The following CASKIN1 variants were observed in gnomAD, a reference collection of about 807,000 sequenced individuals.
The protein encoded by CASKIN1 is caskin-1.
In CASKIN1, 42 loss-of-function variants were observed where a neutral mutation model predicts 117.5. The observed-to-expected ratio is 0.36, with a 90% CI of 0.28 to 0.46. The LOEUF (loss-of-function observed/expected upper bound fraction) is 0.46. CASKIN1 is among the 20% of genes least tolerant of loss of function. The pLI, the probability that CASKIN1 is intolerant of heterozygous loss-of-function variation, is 1.00. For missense variants in CASKIN1, 2,083 were observed against 2,077.3 expected, an observed-to-expected ratio of 1.00 and a Z score of -0.05; for synonymous variants, 1,148 against 961.7, an observed-to-expected ratio of 1.19 and a Z score of -3.59.
intron 1 of CASKIN1, among the ~76,000 whole-genome samples, chr16:2,193,964 G>A (rs747835511): frequency 2.0e-5 from 3 of 152,200 alleles, no homozygotes; most frequent in Non-Finnish European, 4.4e-5. Flanking sequence ...CATGGCTGGA[G>A]GGGGCCGGGG....
rs368077804 is a variant in CASKIN1, at chr16:2,187,359, C to T, written c.720G>A (p.Leu240=). 30 of 1,612,794 alleles carry T rather than the reference C, an allele frequency of 1.9e-5. 1 individual carries two copies. In the South Asian group the frequency reaches 3.1e-4, roughly 17 times the overall value. ...CCCTGGGCCCCACACTCACATCCAG[C>T]AGCAGCCGCACCACCTCTGTCTTTC... is the stretch of plus-strand genomic sequence containing the variant. ...LCGKTEVVRL[L]LDSGINAHVR... Residue 240 remains leucine, a synonymous_variant, in exon 7 of 20, where the codon CTG becomes CTA. Coordinates refer to ENST00000343516, the MANE Select transcript of CASKIN1 (RefSeq NM_020764.4).
At position 2,179,330 on chromosome 16, in the gene CASKIN1, G is replaced by A; in HGVS notation, c.3776-5C>T. The A allele has an allele frequency of 2.3e-6, 3 of 1,284,422 alleles. No homozygotes were observed. The highest frequency in any genetic ancestry group is 2.8e-5 in the South Asian group (1 of 35,270). The allele number at this position is 1,284,422 out of a possible 1,614,324, so 79.6% of individuals were successfully genotyped here. A position where few individuals can be genotyped will look rare whatever the true frequency, so the allele number is the denominator to read the frequency against. On this transcript the variant is annotated splice_polypyrimidine_tract_variant and splice_region_variant and intron_variant, in intron 18 of 19. Transcript: ENST00000343516. This position sits in a 1 kb window ranked among gnomAD's most constrained non-coding sequence, Gnocchi z 5.8. ...TGCCGTGGGCGCGCTTCACCTCTGC[G>A]GGGAGGACCACGCTGGCACCGAGCG...
In CASKIN1 at chr16:2,187,150, C is replaced by A. The variant is rs1596691185; in HGVS notation, c.835+16G>T. On this transcript the variant is annotated intron_variant, in intron 8 of 19. Transcript: ENST00000343516. ...CCCAGCCCCAGCCACTGCCCCTCTG[C>A]CCTGCCTGGGCCCACCTCGCAACAG... is the stretch of plus-strand genomic sequence containing the variant. The A allele has an allele frequency of 6.2e-7, 1 of 1,613,688 alleles. No individual in the cohort carries two copies. The highest frequency in any genetic ancestry group is 1.3e-5 in the African/African-American group (1 of 75,042).
chr16:2,177,933 C>A lies in CASKIN1; in HGVS notation c.*617G>T, dbSNP rs1192615311. On this transcript the variant is annotated 3_prime_UTR_variant, in exon 20 of 20. Transcript: ENST00000343516. Reference sequence around the variant, plus strand: ...CCTCCACTCTGGCCGGAGGAAGGACCGCAGGCAGACAGCCTGGGCCTCTAA... The same window carrying A: ...CCTCCACTCTGGCCGGAGGAAGGACAGCAGGCAGACAGCCTGGGCCTCTAA... 2.9e-6 allele frequency: 1 copy of A among 347,990 alleles called. No individual in the cohort carries two copies. Among genetic ancestry groups the A allele is most frequent in the South Asian group, 2.9e-5 (1 of 34,040 alleles). 21.6% of individuals were successfully genotyped at this position (347,990 alleles called of 1,614,324 possible).
In CASKIN1 at chr16:2,181,100, C is replaced by T. The variant is rs749654288; in HGVS notation, c.2268G>A (p.Val756=). The part of the protein sequence containing the change: ...RHGHSIKRAS[V]PPVPGKPRQV... Reference sequence around the variant, plus strand: ...GCCGTGGCTTGCCAGGCACGGGGGGCACGCTGGCCCTCTTGATGCTGTGGC... The same window carrying T: ...GCCGTGGCTTGCCAGGCACGGGGGGTACGCTGGCCCTCTTGATGCTGTGGC... Residue 756 remains valine, a synonymous_variant, in exon 18 of 20, where the codon GTG becomes GTA. Coordinates refer to ENST00000343516, the MANE Select transcript of CASKIN1 (RefSeq NM_020764.4). 3.4e-6 allele frequency: 5 copies of T among 1,477,738 alleles called. No homozygotes were observed. Among genetic ancestry groups the T allele is most frequent in the Non-Finnish European group, 4.5e-6 (5 of 1,121,860 alleles). The allele number at this position is 1,477,738 out of a possible 1,614,324, so 91.5% of individuals were successfully genotyped here. A position where few individuals can be genotyped will look rare whatever the true frequency, so the allele number is the denominator to read the frequency against.
rs865875492 is a variant in CASKIN1, at chr16:2,177,790, G to A, written c.*760C>T. On this transcript the variant is annotated 3_prime_UTR_variant, in exon 20 of 20. Coordinates refer to ENST00000343516, the MANE Select transcript of CASKIN1 (RefSeq NM_020764.4). ...CAGGAGGAGGACACGGCCGCCGAGA[G>A]CAAGGCACAACCTCGAGTTCTTGGG... 2.0e-5 allele frequency: 5 copies of A among 245,272 alleles called. No homozygotes were observed. The highest frequency in any genetic ancestry group is 1.1e-4 in the Admixed American group (2 of 18,150). 15.2% of individuals were successfully genotyped at this position (245,272 alleles called of 1,614,324 possible).
In CASKIN1 at chr16:2,180,749, C is replaced by T. The variant is rs778058422; in HGVS notation, c.2619G>A (p.Pro873=). 7.1e-5 allele frequency: 102 copies of T among 1,439,042 alleles called. No individual in the cohort carries two copies. Among genetic ancestry groups the T allele is most frequent in the Non-Finnish European group, 8.7e-5 (96 of 1,104,042 alleles). 89.1% of individuals were successfully genotyped at this position (1,439,042 alleles called of 1,614,324 possible). Residue 873 remains proline, a synonymous_variant, in exon 18 of 20, where the codon CCG becomes CCA. Transcript: ENST00000343516. The part of the protein sequence containing the change: ...LCLPPEADAE[P]GRPKKRAHSL... ...TGTGGGCCCGCTTCTTGGGCCGCCC[C>T]GGCTCCGCGTCGGCCTCAGGGGGCA...
rs1241927689 is a variant in CASKIN1 at position 2,179,982 on chromosome 16, C to T, written c.3386G>A (p.Arg1129Gln). ...GTTCTCCTGCTGGTTCTGCTTGGCC[C>T]GGATGCGCCTCTTGAGTGTGGCGCT... ...EASATLKRRI[R>Q]AKQNQQENVK... The change falls in exon 18 of 20, where the codon CGG becomes CAG. Residue 1129 changes from arginine (R) to glutamine (Q), a missense_variant. Physicochemically the swap from Arg to Gln is conservative, Grantham distance 43. Coordinates refer to ENST00000343516, the MANE Select transcript of CASKIN1 (RefSeq NM_020764.4). This position sits in a 1 kb window ranked among gnomAD's most constrained non-coding sequence, Gnocchi z 5.8. 3 of 1,605,782 alleles carry T rather than the reference C, an allele frequency of 1.9e-6. No individual in the cohort carries two copies. The highest frequency in any genetic ancestry group is 2.3e-5 in the East Asian group (1 of 44,352).
At chr16:2,190,246 C>G (rs2093197741) in intron 2 of CASKIN1, 61 bp downstream of exon 2, 1 of 1,589,190 alleles carries the variant, frequency 6.3e-7, no homozygotes, top group Non-Finnish European at 8.6e-7. Flanking sequence ...TCCCCCGGCA[C>G]CTAGGCCTCT....
chr16:2,180,174 G>A lies in CASKIN1; in HGVS notation c.3194C>T (p.Thr1065Met), dbSNP rs746424881. ...PGGEVVNRRRTLSGPVTGLLA... is the reference protein window; with the variant it reads ...PGGEVVNRRRMLSGPVTGLLA... ...AAGTCCGGTGACTGGCCCGCTGAGC[G>A]TGCGGCGCCGGTTCACCACCTCCCC... Residue 1065 changes from threonine to methionine, a missense_variant, in exon 18 of 20, where the codon ACG becomes ATG. Physicochemically the swap from Thr to Met is moderately conservative, Grantham distance 81. This residue lies in a region of CASKIN1 where 1,818 missense variants were observed against 1,688.9 expected (regional missense o/e 1.08). Transcript: ENST00000343516. 1.3e-6 allele frequency: 2 copies of A among 1,550,510 alleles called. No individual in the cohort carries two copies. The highest frequency in any genetic ancestry group is 1.2e-5 in the South Asian group (1 of 84,390).
At chr16:2,193,764 C>G (rs913505190) in intron 1 of CASKIN1, among the ~76,000 whole-genome samples, 1 of 152,246 alleles carries the variant, frequency 6.6e-6, no homozygotes, top group Non-Finnish European at 1.5e-5. Context: ...TCCCTCTCCC[C>G]ACTTATGGTC....
chr16:2,185,162 G>T lies in CASKIN1; in HGVS notation c.1188C>A (p.Gly396=). The part of the protein sequence containing the change: ...DRSGSISGMA[G]GRGSGGHALH... ...GGGCGTGACCCCCGCTGCCCCGGCC[G>T]CCAGCCATGCCGCTAATGCTGCCGC... is the stretch of plus-strand genomic sequence containing the variant. The change falls in exon 12 of 20, where the codon GGC becomes GGA. Residue 396 remains glycine (G), a synonymous_variant. Coordinates refer to ENST00000343516, the MANE Select transcript of CASKIN1 (RefSeq NM_020764.4). The T allele has an allele frequency of 1.2e-6, 2 of 1,608,242 alleles. No individual in the cohort carries two copies. The highest frequency in any genetic ancestry group is 1.7e-6 in the Non-Finnish European group (2 of 1,179,242).
chr16:2,184,833 C>G lies in CASKIN1; in HGVS notation c.1360G>C (p.Gly454Arg), dbSNP rs754489782. The change falls in exon 14 of 20, where the codon GGG (glycine) becomes CGG (arginine). Residue 454 changes from glycine to arginine, a missense_variant. Physicochemically the swap from Gly to Arg is moderately radical, Grantham distance 125. Transcript: ENST00000343516. ...GGCGGCTGCTCCCCATAGACCTGCCCGGCGTGGGCCACTGGAGGCTGGGAC... is the reference window on the plus strand; with the variant it reads ...GGCGGCTGCTCCCCATAGACCTGCCGGGCGTGGGCCACTGGAGGCTGGGAC... The part of the protein sequence containing the change: ...ARSQPPVAHA[G>R]QVYGEQPPKK... The G allele has an allele frequency of 6.4e-7, 1 of 1,557,214 alleles. No individual in the cohort carries two copies. The highest frequency in any genetic ancestry group is 8.7e-7 in the Non-Finnish European group (1 of 1,150,858).
intron 1 of CASKIN1, among the ~76,000 whole-genome samples, chr16:2,192,679 A>G (rs903559263): frequency 6.6e-6 from 1 of 152,012 alleles, no homozygotes; most frequent in African/African-American, 2.4e-5. Context: ...CCCCATCCGA[A>G]GTGACCCTGC....
At chr16:2,190,456 C>T in intron 1 of CASKIN1, 98 bp from the exon 2 acceptor site, 1 of 1,094,062 alleles carries the variant, frequency 9.1e-7, no homozygotes, top group South Asian at 1.4e-5. Flanking sequence ...CCGGCAGGCA[C>T]AAAGCTGCTG....
At chr16:2,190,481 A>G (rs796193327) in intron 1 of CASKIN1, 123 bp from the exon 2 acceptor site, 1 of 859,866 alleles carries the variant, frequency 1.2e-6, no homozygotes, top group Non-Finnish European at 1.9e-6. Context: ...CTCAGTCTGC[A>G]GACACTCACT....
At position 2,181,081 on chromosome 16, in the gene CASKIN1, G is replaced by C. The variant is rs1373215719; in HGVS notation, c.2287C>G (p.Pro763Ala). ...RASVPPVPGK[P>A]RQVLPPGTSH... is the part of the protein sequence containing the mutation. ...GTGCCTGGTGGGAGGACCTGCCGTGGCTTGCCAGGCACGGGGGGCACGCTG... is the reference window on the plus strand; with the variant it reads ...GTGCCTGGTGGGAGGACCTGCCGTGCCTTGCCAGGCACGGGGGGCACGCTG... The change falls in exon 18 of 20, where the codon CCA (proline) becomes GCA (alanine). Residue 763 changes from proline (P) to alanine (A), a missense_variant. Physicochemically the swap from Pro to Ala is conservative, Grantham distance 27. Around this residue, in one of 3 missense-constraint regions of CASKIN1, gnomAD observed 1,818 missense variants for 1,688.9 expected, o/e 1.08. Transcript: ENST00000343516. 2 of 1,484,846 alleles carry C rather than the reference G, an allele frequency of 1.3e-6. No individual in the cohort carries two copies. The highest frequency in any genetic ancestry group is 2.9e-5 in the African/African-American group (2 of 70,094). The allele number at this position is 1,484,846 out of a possible 1,614,324, so 92.0% of individuals were successfully genotyped here.
chr16:2,182,540 C>T lies in CASKIN1; in HGVS notation c.1630-611G>A, dbSNP rs1257029748. 6.6e-6 allele frequency among the ~76,000 whole-genome samples: 1 copy of T among 152,208 alleles called. No homozygotes were observed. The highest frequency in any genetic ancestry group is 6.5e-5 in the Admixed American group (1 of 15,288). ...GCAACTGCTCTTGAACACTCAGCCACCCCCAGGTGCGCGGCAAGGCCCGTG... is the reference window on the plus strand; with the variant it reads ...GCAACTGCTCTTGAACACTCAGCCATCCCCAGGTGCGCGGCAAGGCCCGTG... On this transcript the variant is annotated intron_variant, in intron 16 of 19. Transcript: ENST00000343516. This position sits in a 1 kb window ranked among gnomAD's most constrained non-coding sequence, Gnocchi z 4.1.
At chr16:2,192,586 G>A (rs940382628) in intron 1 of CASKIN1, among the ~76,000 whole-genome samples, 3 of 152,016 alleles carry the variant, frequency 2.0e-5, no homozygotes, top group African/African-American at 7.3e-5. Context: ...GTGCACGTGC[G>A]GCCTCCTCTT....
Sources: allele counts gnomAD v4.1 joint callset (sites outside exome capture counted in the v4.1 genomes callset), GRCh38; gene constraint gnomAD v4.1.1; regional missense constraint gnomAD v4.1.1; non-coding constraint Gnocchi (gnomAD v3.1); transcripts MANE v1.5; gene names NCBI Gene and HGNC (gene_info 2026-07-23, HGNC 2026-07-21).